AMBRA1: variants seen among roughly 807,000 people sequenced by gnomAD.
The protein encoded by AMBRA1 is activating molecule in BECN1-regulated autophagy protein 1.
Under a neutral mutation model 125.4 loss-of-function variants are expected in AMBRA1, and 47 were observed. That is an observed-to-expected ratio of 0.37 (90% CI 0.30 to 0.48). The LOEUF is 0.48. Ranked by LOEUF, AMBRA1 falls within the 20% of genes least tolerant of loss-of-function variation. AMBRA1 has a pLI of 0.99. For missense variants in AMBRA1, 1,331 were observed against 1,693.4 expected, an observed-to-expected ratio of 0.79 and a Z score of 3.76; for synonymous variants, 626 against 655.5, an observed-to-expected ratio of 0.95 and a Z score of 0.69.
At chr11:46,533,548 G>A (rs983220475) in intron 7 of AMBRA1, among the ~76,000 whole-genome samples, 4 of 152,074 alleles carry the variant, frequency 2.6e-5, no homozygotes, top group South Asian at 2.1e-4. Flanking sequence ...TTGTTCAACC[G>A]TTCATCAGCT....
At chr11:46,424,019 T>TC (rs1946993816) in intron 14 of AMBRA1, among the ~76,000 whole-genome samples, 1 of 151,970 alleles carries the variant, frequency 6.6e-6, no homozygotes. Context: ...CGCCTCAGCC[T>TC]CCCAAAGTGT....
chr11:46,592,482 C>T (rs898572748), intron 1 of AMBRA1, among the ~76,000 whole-genome samples: 2 of 152,036 alleles, frequency 1.3e-5, no homozygotes, highest in East Asian at 1.9e-4. Context: ...CAAAACTGGG[C>T]GGGCGCGGTG....
chr11:46,447,529 T>C (rs1471130356), intron 11 of AMBRA1, among the ~76,000 whole-genome samples: 1 of 152,060 alleles, frequency 6.6e-6, no homozygotes, highest in African/African-American at 2.4e-5. Flanking sequence ...AGCAAGATTC[T>C]GTCTCAAAAA....
chr11:46,447,769 TA>T, intron 11 of AMBRA1, among the ~76,000 whole-genome samples: 1 of 89,652 alleles, frequency 1.1e-5, no homozygotes, highest in East Asian at 2.9e-4. Flanking sequence ...GATAGATAGA[TA>T]GATAGATAGT....
At chr11:46,408,855 T>C in intron 16 of AMBRA1, 149 bp from the exon 17 acceptor site, 1 of 656,860 alleles carries the variant, frequency 1.5e-6, no homozygotes, top group South Asian at 4.6e-5. Context: ...TACATCTTGA[T>C]GGTGGTTAAC....
intron 7 of AMBRA1, among the ~76,000 whole-genome samples, chr11:46,524,043 T>A (rs888036695): frequency 2.0e-5 from 3 of 152,120 alleles, no homozygotes; most frequent in Non-Finnish European, 2.9e-5. Context: ...TAATTTTGTA[T>A]TTTTAGTAGA....
chr11:46,590,912 C>CA (rs554383816), intron 1 of AMBRA1, among the ~76,000 whole-genome samples: 5,643 of 76,402 alleles, frequency 0.074, 342 homozygotes, highest in African/African-American at 0.21. Context: ...GACTCCATCT[C>CA]AAAAAAAAAA....
intron 1 of AMBRA1, among the ~76,000 whole-genome samples, chr11:46,572,915 C>T (rs1407182325): frequency 6.6e-6 from 1 of 151,718 alleles, no homozygotes; most frequent in African/African-American, 2.4e-5. Flanking sequence ...CCTGGTGAAA[C>T]TCCGTCTCTA....
In AMBRA1 at chr11:46,414,792, G is replaced by C. The variant is rs375730870; in HGVS notation, c.3116+3121C>G. On this transcript the variant is annotated intron_variant, in intron 15 of 17. Transcript: ENST00000683756. ...AGCCCCTGGGATGGCTTTGTAGAGG[G>C]GCTGACTGGCCAGTTGTTTGTCTTC... is the stretch of plus-strand genomic sequence containing the variant. 2.2e-4 allele frequency among the ~76,000 whole-genome samples: 33 copies of C among 152,306 alleles called. No homozygotes were observed. The East Asian group carries it at 2.7e-3, about 12-fold the overall frequency.
Position 46,543,338 on chromosome 11 carries a change from C to A in AMBRA1, c.679G>T (p.Ala227Ser), listed in dbSNP as rs551266028. 5 of 1,613,988 alleles carry A rather than the reference C, an allele frequency of 3.1e-6. No homozygotes were observed. In the African/African-American group the frequency reaches 5.3e-5, roughly 17 times the overall value. ...GTELSHYRQR[A>S]LLQSQPVRRT... ...CGAACTGGCTGTGATTGCAGGAGGG[C>A]ACGCTGACGGTAGTGGGATAATTCT... Residue 227 changes from alanine to serine, a missense_variant, in exon 7 of 18, where the codon GCC becomes TCC. Around this residue, in one of 4 missense-constraint regions of AMBRA1, gnomAD observed 689 missense variants for 776.5 expected, o/e 0.89. Coordinates refer to ENST00000683756, the MANE Select transcript of AMBRA1 (RefSeq NM_001387011.1).
chr11:46,536,095 G>C (rs1325740164), intron 7 of AMBRA1, among the ~76,000 whole-genome samples: 1 of 152,124 alleles, frequency 6.6e-6, no homozygotes, highest in African/African-American at 2.4e-5. Context: ...TATAGTAATA[G>C]GTTTTTTAAT....
intron 15 of AMBRA1, among the ~76,000 whole-genome samples, chr11:46,411,099 C>CAAAA (rs59903160): frequency 3.3e-5 from 2 of 60,170 alleles, no homozygotes; most frequent in Non-Finnish European, 6.4e-5. Context: ...GACTCTGTCT[C>CAAAA]AAAAAAAAAA....
intron 15 of AMBRA1, among the ~76,000 whole-genome samples, chr11:46,411,115 G>GAAAAAAAAAA (rs1311400190): frequency 8.6e-6 from 1 of 115,608 alleles, no homozygotes. Flanking sequence ...AAAAAAAAAA[G>GAAAAAAAAAA]AAAAAAAAAA....
intron 7 of AMBRA1, among the ~76,000 whole-genome samples, chr11:46,535,273 G>T (rs1358092251): frequency 6.6e-6 from 1 of 151,968 alleles, no homozygotes; most frequent in African/African-American, 2.4e-5. Context: ...AATTCCACCA[G>T]TTTTTTTCAG....
intron 11 of AMBRA1, among the ~76,000 whole-genome samples, chr11:46,482,025 TGTA>T (rs1351470485): frequency 6.6e-6 from 1 of 152,220 alleles, no homozygotes; most frequent in Non-Finnish European, 1.5e-5. Flanking sequence ...ACTACATCCT[TGTA>T]GTATAATTCG....
At chr11:46,476,719 G>GA (rs1949827301) in intron 11 of AMBRA1, among the ~76,000 whole-genome samples, 2 of 152,166 alleles carry the variant, frequency 1.3e-5, no homozygotes, top group Non-Finnish European at 2.9e-5. Flanking sequence ...GCAGAATCCA[G>GA]AAAAATATTT....
At chr11:46,574,177 A>G (rs1190284666) in intron 1 of AMBRA1, among the ~76,000 whole-genome samples, 1 of 145,678 alleles carries the variant, frequency 6.9e-6, no homozygotes, top group Non-Finnish European at 1.5e-5. Context: ...TTGGGTATAT[A>G]CCCAGTAATA....
chr11:46,408,435 T>C, intron 17 of AMBRA1, 78 bp downstream of exon 17: 1 of 1,360,596 alleles, frequency 7.3e-7, no homozygotes, highest in Non-Finnish European at 9.6e-7. Flanking sequence ...GGAGGGGGTA[T>C]GCATCCTGAG....
At chr11:46,422,899 G>T (rs1271519295) in intron 14 of AMBRA1, among the ~76,000 whole-genome samples, 1 of 152,200 alleles carries the variant, frequency 6.6e-6, no homozygotes, top group African/African-American at 2.4e-5. Flanking sequence ...GCTGGAGGAA[G>T]CGGACAACTG....
Sources: allele counts gnomAD v4.1 joint callset (sites outside exome capture counted in the v4.1 genomes callset), GRCh38; gene constraint gnomAD v4.1.1; regional missense constraint gnomAD v4.1.1; transcripts MANE v1.5; gene names NCBI Gene and HGNC (gene_info 2026-07-23, HGNC 2026-07-21).